WASHC5: variants seen among roughly 807,000 people sequenced by gnomAD.
The protein encoded by WASHC5 is WASH complex subunit strumpellin.
A neutral mutation model predicts 150.4 loss-of-function variants in WASHC5; 101 were observed. The ratio of observed to expected loss-of-function variants is 0.67; its 90% CI spans 0.57 to 0.79. The LOEUF is 0.79. Among genes scored for constraint, WASHC5 ranks in the 30% least tolerant of loss-of-function variants. The pLI, the probability that WASHC5 is intolerant of heterozygous loss-of-function variation, is 0.00. For synonymous variants in WASHC5, 467 were observed against 491.2 expected, an observed-to-expected ratio of 0.95 and a Z score of 0.65; for missense variants, 1,195 against 1,396.3, an observed-to-expected ratio of 0.86 and a Z score of 2.30.
Position 125,047,429 on chromosome 8 carries a change from G to A in WASHC5, c.2380-98C>T, listed in dbSNP as rs1816101405. 12 of 1,246,772 alleles carry A rather than the reference G, an allele frequency of 9.6e-6. No individual in the cohort carries two copies. In the South Asian group the frequency reaches 1.5e-4, roughly 15 times the overall value. 77.2% of individuals were successfully genotyped at this position (1,246,772 alleles called of 1,614,324 possible). A position where few individuals can be genotyped will look rare whatever the true frequency, so the allele number is the denominator to read the frequency against. On this transcript the variant is annotated intron_variant, in intron 19 of 28. Coordinates refer to ENST00000318410, the MANE Select transcript of WASHC5 (RefSeq NM_014846.4). ...TTACAAAGATAATATTGCATAAAGA[G>A]TGACAATAAAGGTTGTTTTTTTTTT...
At chr8:125,088,017 G>A (rs772681433) in intron 1 of WASHC5, among the ~76,000 whole-genome samples, 48 of 152,166 alleles carry the variant, frequency 3.2e-4, no homozygotes, top group Admixed American at 1.8e-3. Flanking sequence ...AAATGAGAGA[G>A]CAAGCAGTAT....
intron 27 of WASHC5, among the ~76,000 whole-genome samples, chr8:125,029,821 C>T (rs1317710253): frequency 6.6e-6 from 1 of 152,166 alleles, no homozygotes; most frequent in African/African-American, 2.4e-5. Context: ...ACTTTTAGTA[C>T]TATTAATACA....
At chr8:125,055,540 A>G (rs1274827378) in intron 17 of WASHC5, 51 bp downstream of exon 17, 1 of 1,084,680 alleles carries the variant, frequency 9.2e-7, no homozygotes, top group South Asian at 1.2e-5. Context: ...ACAAAAACCC[A>G]AACAGCTAAG....
At chr8:125,038,996 A>G in intron 24 of WASHC5, 37 bp from the exon 25 acceptor site, 1 of 1,604,690 alleles carries the variant, frequency 6.2e-7, no homozygotes, top group Non-Finnish European at 8.5e-7. Flanking sequence ...AACATTAGTG[A>G]GTAAATGAAT....
Position 125,044,030 on chromosome 8 carries a change from G to A in WASHC5, c.2732C>T (p.Thr911Ile). The change falls in exon 22 of 29, where the codon ACC becomes ATC. Residue 911 changes from threonine (T) to isoleucine (I), a missense_variant. Thr to Ile is a moderately conservative substitution (Grantham distance 89, BLOSUM62 -1). Coordinates refer to ENST00000318410, the MANE Select transcript of WASHC5 (RefSeq NM_014846.4). ...TAGGGGACTGACAGCATTCATGAGG[G>A]TTTTTAAAGTGTCCTGAACAGTTCT... ...RDRTVQDTLKTLMNAVSPLKS... is the reference protein window; with the variant it reads ...RDRTVQDTLKILMNAVSPLKS... 1 of 1,613,786 alleles carries A rather than the reference G, an allele frequency of 6.2e-7. No individual in the cohort carries two copies. The highest frequency in any genetic ancestry group is 8.5e-7 in the Non-Finnish European group (1 of 1,179,710).
At chr8:125,079,185 C>CT (rs34211379) in intron 5 of WASHC5, among the ~76,000 whole-genome samples, 3,378 of 57,614 alleles carry the variant, frequency 0.059, 215 homozygotes, top group South Asian at 0.08. Context: ...TATATATAAC[C>CT]TTTTTTTTTT....
At chr8:125,024,800 C>A in intron 28 of WASHC5, 127 bp from the exon 29 acceptor site, 1 of 688,966 alleles carries the variant, frequency 1.5e-6, no homozygotes, top group South Asian at 1.7e-5. Flanking sequence ...CATGGGCGGA[C>A]GACTCCTTGA....
Position 125,083,837 on chromosome 8 carries a change from C to T in WASHC5, c.62G>A (p.Cys21Tyr). ...AAGTTCAGCAATGATGGCATTACCA[C>T]AGGAAACAATCCTTAGGATTGCTTG... ...CGQAILRIVS[C>Y]GNAIIAELLR... The change falls in exon 2 of 29, where the codon TGT (cysteine) becomes TAT (tyrosine). Residue 21 changes from cysteine (C) to tyrosine (Y), a missense_variant. Coordinates refer to ENST00000318410, the MANE Select transcript of WASHC5 (RefSeq NM_014846.4). 3.1e-6 allele frequency: 5 copies of T among 1,614,064 alleles called. No individual in the cohort carries two copies. Among genetic ancestry groups the T allele is most frequent in the East Asian group, 2.2e-5 (1 of 44,882 alleles).
chr8:125,039,814 C>A lies in WASHC5; in HGVS notation c.2935G>T (p.Ala979Ser). Residue 979 changes from alanine to serine, a missense_variant, in exon 24 of 29, where the codon GCT becomes TCT. Coordinates refer to ENST00000318410, the MANE Select transcript of WASHC5 (RefSeq NM_014846.4). ...CRFDSKHLAAALENLNKALLA... is the reference protein window; with the variant it reads ...CRFDSKHLAASLENLNKALLA... ...ACTTACTTATTGAGATTCTCCAGAG[C>A]AGCTGCCAGATGTTTAGAATCAAAC... 6.2e-7 allele frequency: 1 copy of A among 1,612,776 alleles called. No homozygotes were observed. The highest frequency in any genetic ancestry group is 8.5e-7 in the Non-Finnish European group (1 of 1,178,784).
At position 125,044,595 on chromosome 8, in the gene WASHC5, T is replaced by A; in HGVS notation, c.2608A>T (p.Thr870Ser). Residue 870 changes from threonine (T) to serine (S), a missense_variant, in exon 21 of 29, where the codon ACC becomes TCC. Around this residue, in one of 3 missense-constraint regions of WASHC5, gnomAD observed 997 missense variants for 1,168.1 expected, o/e 0.85. Transcript: ENST00000318410. ...LFSEIQTTLG[T>S]FGLNGLDRLL... is the part of the protein sequence containing the mutation. ...CTGTCTAAGCCATTTAGACCAAAGG[T>A]TCCCAAGGTGGTCTGGATTTCTGAG... 6.2e-7 allele frequency: 1 copy of A among 1,614,118 alleles called. No individual in the cohort carries two copies. The highest frequency in any genetic ancestry group is 1.1e-5 in the South Asian group (1 of 91,086).
chr8:125,064,663 C>T (rs978624426), intron 10 of WASHC5, among the ~76,000 whole-genome samples: 1 of 151,752 alleles, frequency 6.6e-6, no homozygotes, highest in African/African-American at 2.4e-5. Context: ...CACTAAAGGA[C>T]ACGCCATCTC....
At chr8:125,051,452 C>A (rs1273074619) in intron 17 of WASHC5, among the ~76,000 whole-genome samples, 1 of 152,154 alleles carries the variant, frequency 6.6e-6, no homozygotes, top group East Asian at 1.9e-4. Flanking sequence ...TCAAATAAGA[C>A]AACTGCAAGG....
intron 28 of WASHC5, among the ~76,000 whole-genome samples, chr8:125,027,707 TCAC>T (rs1204115950): frequency 2.0e-5 from 3 of 152,052 alleles, no homozygotes; most frequent in African/African-American, 7.2e-5. Flanking sequence ...ATCTCACAAA[TCAC>T]CACTAAAGAA....
chr8:125,080,953 C>T (rs1236448443), intron 5 of WASHC5, among the ~76,000 whole-genome samples: 2 of 152,160 alleles, frequency 1.3e-5, no homozygotes, highest in Admixed American at 1.3e-4. Flanking sequence ...TTCCTTATAT[C>T]TGCCAAGGAG....
chr8:125,053,251 C>T (rs1816302114), intron 17 of WASHC5, among the ~76,000 whole-genome samples: 1 of 151,908 alleles, frequency 6.6e-6, no homozygotes, highest in South Asian at 2.1e-4. Context: ...TAAAGATCAG[C>T]GAGGGCCACA....
At chr8:125,025,094 C>A (rs1273790396) in intron 28 of WASHC5, among the ~76,000 whole-genome samples, 1 of 151,934 alleles carries the variant, frequency 6.6e-6, no homozygotes, top group African/African-American at 2.4e-5. Flanking sequence ...GAATGAGATA[C>A]CAAGGCCAGA....
chr8:125,032,376 G>T lies in WASHC5; in HGVS notation c.3200C>A (p.Pro1067Gln), dbSNP rs149383757. ...NKNLGMVCRK[P>Q]TDPVDWPPLV... is the part of the protein sequence containing the mutation. The stretch of plus-strand genomic sequence containing the variant: ...TGGTGGCCAATCAACCGGGTCGGTC[G>T]GTTTTCGGCAGACCATTCCTGCAAG... Residue 1067 changes from proline (P) to glutamine (Q), a missense_variant, in exon 27 of 29, where the codon CCG (proline) becomes CAG (glutamine). This residue lies in a region of WASHC5 where 997 missense variants were observed against 1,168.1 expected (regional missense o/e 0.85). Coordinates refer to ENST00000318410, the MANE Select transcript of WASHC5 (RefSeq NM_014846.4). The T allele has an allele frequency of 3.1e-6, 5 of 1,614,012 alleles. No individual in the cohort carries two copies. The Admixed American group carries it at 8.3e-5, about 27-fold the overall frequency.
intron 28 of WASHC5, among the ~76,000 whole-genome samples, chr8:125,027,091 C>T (rs892284050): frequency 6.6e-6 from 1 of 152,032 alleles, no homozygotes; most frequent in East Asian, 1.9e-4. Flanking sequence ...TATATCATTG[C>T]CTTGTTATTT....
At chr8:125,075,835 A>T (rs146465979) in intron 7 of WASHC5, among the ~76,000 whole-genome samples, 19 of 152,344 alleles carry the variant, frequency 1.2e-4, no homozygotes, top group African/African-American at 4.1e-4. Flanking sequence ...CATATATATT[A>T]TGAAGCAAGC....
Sources: gnomAD v4.1 joint callset for allele counts (sites outside exome capture counted in the v4.1 genomes callset) on GRCh38, gnomAD v4.1.1 for gene constraint, gnomAD v4.1.1 regional missense constraint, MANE v1.5 for transcripts, NCBI Gene and HGNC (gene_info 2026-07-23, HGNC 2026-07-21) for gene names.